The following ECPAS variants were observed in gnomAD, a reference collection of about 807,000 sequenced individuals.
ECPAS encodes the protein Ecm29 proteasome adaptor and scaffold.
In ECPAS, 70 loss-of-function variants were observed where a neutral mutation model predicts 255.1. The ratio of observed to expected loss-of-function variants is 0.27; its 90% CI spans 0.23 to 0.33. The LOEUF (loss-of-function observed/expected upper bound fraction) is 0.33. Among genes scored for constraint, ECPAS ranks in the 10% least tolerant of loss-of-function variants. The probability of loss-of-function intolerance (pLI) is 1.00; values close to 1 mark genes in which losing one functional copy is unlikely to be tolerated. For synonymous variants in ECPAS, 784 were observed against 775.0 expected (o/e 1.01, Z -0.19); for missense variants, 1,817 against 2,206.4 (o/e 0.82, Z 3.54).
chr9:111,414,002 G>C lies in ECPAS; in HGVS notation c.1988-16C>G, dbSNP rs749259200. ...ACCGGCAAACCTAAATAAGAATTCA[G>C]AATCACCTTAAATTTCAAGAAAAGT... On this transcript the variant is annotated splice_polypyrimidine_tract_variant and intron_variant, in intron 19 of 49. Coordinates refer to ENST00000684092, the MANE Select transcript of ECPAS (RefSeq NM_001364929.1). The C allele has an allele frequency of 6.6e-7, 1 of 1,522,078 alleles. No homozygotes were observed. The highest frequency in any genetic ancestry group is 8.9e-7 in the Non-Finnish European group (1 of 1,120,510). 94.3% of individuals were successfully genotyped at this position (1,522,078 alleles called of 1,614,324 possible).
At chr9:111,453,699 G>C (rs924096363) in intron 2 of ECPAS, among the ~76,000 whole-genome samples, 3 of 152,142 alleles carry the variant, frequency 2.0e-5, no homozygotes, top group Non-Finnish European at 4.4e-5. Flanking sequence ...TGACAAGAAA[G>C]GCATTTTACC....
intron 1 of ECPAS, among the ~76,000 whole-genome samples, chr9:111,475,518 T>C (rs2098295062): frequency 6.6e-6 from 1 of 152,182 alleles, no homozygotes. Flanking sequence ...GCAGATCACT[T>C]GAGGTCAGGA....
At chr9:111,459,554 T>C (rs2132010665) in intron 2 of ECPAS, among the ~76,000 whole-genome samples, 1 of 152,280 alleles carries the variant, frequency 6.6e-6, no homozygotes, top group East Asian at 1.9e-4. Flanking sequence ...ATGCTAGGTA[T>C]GTTAATAACC....
At chr9:111,377,124 G>A (rs2098134236) in intron 36 of ECPAS, among the ~76,000 whole-genome samples, 1 of 152,136 alleles carries the variant, frequency 6.6e-6, no homozygotes, top group Admixed American at 6.5e-5. Context: ...ACCCAGGAAG[G>A]TGCAAGTCTA....
At chr9:111,373,116 CTG>C in intron 41 of ECPAS, 52 bp downstream of exon 41, 1 of 1,339,388 alleles carries the variant, frequency 7.5e-7, no homozygotes, top group Non-Finnish European at 1.1e-6. Flanking sequence ...TACTGTTTTA[CTG>C]GGCTGTTAAC....
At chr9:111,482,744 C>T (rs1464999135) in intron 1 of ECPAS, among the ~76,000 whole-genome samples, 1 of 152,140 alleles carries the variant, frequency 6.6e-6, no homozygotes, top group East Asian at 1.9e-4. Context: ...TCCTATGAAA[C>T]TTCGGTATTT....
chr9:111,402,324 A>AC (rs2098177420), intron 24 of ECPAS, among the ~76,000 whole-genome samples: 1 of 152,194 alleles, frequency 6.6e-6, no homozygotes, highest in Non-Finnish European at 1.5e-5. Flanking sequence ...ATTCACTACC[A>AC]CCAGATGTGT....
intron 24 of ECPAS, among the ~76,000 whole-genome samples, chr9:111,407,358 C>A (rs1472021097): frequency 6.1e-5 from 7 of 114,378 alleles, no homozygotes. Context: ...GCCAAGATCA[C>A]GCCACTTTAC....
Position 111,432,431 on chromosome 9 carries a change from T to C in ECPAS, c.848+802A>G, listed in dbSNP as rs192504439. On this transcript the variant is annotated intron_variant, in intron 8 of 49. Coordinates refer to ENST00000684092, the MANE Select transcript of ECPAS (RefSeq NM_001364929.1). ...GAGTTCGAGAGCAGCCTGGGCAACA[T>C]GGTGAAATCCCATTTCTACCAAAAA... is the stretch of plus-strand genomic sequence containing the variant. 1.4e-3 allele frequency among the ~76,000 whole-genome samples: 208 copies of C among 152,196 alleles called. 1 individual carries two copies. Among genetic ancestry groups the C allele is most frequent in the Middle Eastern group, 3.4e-3 (1 of 294 alleles).
intron 1 of ECPAS, among the ~76,000 whole-genome samples, chr9:111,481,936 C>T (rs188092631): frequency 2.5e-4 from 38 of 152,164 alleles, no homozygotes; most frequent in Admixed American, 2.2e-3. Context: ...CGCCAGGGGC[C>T]GAAGGGAGGA....
At chr9:111,426,832 G>A (rs1343601529) in intron 10 of ECPAS, among the ~76,000 whole-genome samples, 1 of 152,054 alleles carries the variant, frequency 6.6e-6, no homozygotes, top group East Asian at 1.9e-4. Context: ...GCCAGGCATG[G>A]TGGCACATGC....
intron 38 of ECPAS, 63 bp downstream of exon 38, chr9:111,375,050 G>A: frequency 8.4e-7 from 1 of 1,197,328 alleles, no homozygotes; most frequent in South Asian, 1.2e-5. Context: ...CATGATGGCT[G>A]TTATATCCTT....
intron 2 of ECPAS, among the ~76,000 whole-genome samples, chr9:111,456,213 A>T (rs2098266752): frequency 6.6e-6 from 1 of 152,208 alleles, no homozygotes; most frequent in Non-Finnish European, 1.5e-5. Flanking sequence ...CAATCTTGTG[A>T]CTACCCCCCA....
chr9:111,392,604 G>A (rs976670592), intron 28 of ECPAS, among the ~76,000 whole-genome samples, 164 bp downstream of exon 28: 1 of 152,126 alleles, frequency 6.6e-6, no homozygotes, highest in Non-Finnish European at 1.5e-5. Context: ...GTATACCCTG[G>A]AATAATTGTG....
chr9:111,389,769 A>T, intron 30 of ECPAS, 46 bp from the exon 31 acceptor site: 1 of 1,544,254 alleles, frequency 6.5e-7, no homozygotes, highest in Non-Finnish European at 8.8e-7. Flanking sequence ...ATTATAGTAA[A>T]ATATTAACAT....
chr9:111,452,673 C>T (rs761882942), intron 2 of ECPAS, among the ~76,000 whole-genome samples: 176 of 152,222 alleles, frequency 1.2e-3, no homozygotes, highest in Non-Finnish European at 2.2e-3. Flanking sequence ...ATTAGATAGA[C>T]ATAGATCACT....
At chr9:111,480,221 G>A (rs1448591031) in intron 1 of ECPAS, among the ~76,000 whole-genome samples, 1 of 148,232 alleles carries the variant, frequency 6.7e-6, no homozygotes, top group African/African-American at 2.5e-5. Context: ...TCATCTACTA[G>A]TCATAAATGA....
In ECPAS at chr9:111,398,671, T is replaced by C. The variant is rs550705462; in HGVS notation, c.2653-1518A>G. 2.6e-5 allele frequency among the ~76,000 whole-genome samples: 4 copies of C among 152,272 alleles called. No homozygotes were observed. The South Asian group carries it at 8.3e-4, about 32-fold the overall frequency. On this transcript the variant is annotated intron_variant, in intron 24 of 49. Transcript: ENST00000684092. ...ATGAATTCAGGCCAGGTGCAGTGGC[T>C]CACACCTGTAATCCCAACACTTTGG...
chr9:111,438,680 G>A (rs1398911882), intron 6 of ECPAS, among the ~76,000 whole-genome samples: 1 of 152,236 alleles, frequency 6.6e-6, no homozygotes, highest in Non-Finnish European at 1.5e-5. Context: ...AGTAAGCTGA[G>A]ACAGTAACAA....
Sources: allele counts gnomAD v4.1 joint callset (sites outside exome capture counted in the v4.1 genomes callset), GRCh38; gene constraint gnomAD v4.1.1; transcripts MANE v1.5; gene names NCBI Gene and HGNC (gene_info 2026-07-23, HGNC 2026-07-21).